Variants in MAST4 observed in about 807,000 individuals in gnomAD.
MAST4 encodes microtubule-associated serine/threonine-protein kinase 4.
In MAST4, 89 loss-of-function variants were observed where a neutral mutation model predicts 162.7. The ratio of observed to expected loss-of-function variants is 0.55; its 90% CI spans 0.46 to 0.65. The LOEUF (loss-of-function observed/expected upper bound fraction) is 0.65, where lower values mean the gene tolerates loss of function less well. Among genes scored for constraint, MAST4 ranks in the 30% least tolerant of loss-of-function variants. MAST4 has a pLI of 0.00. For missense variants in MAST4, 3,153 were observed against 3,374.0 expected (o/e 0.93, Z 1.62); for synonymous variants, 1,479 against 1,361.1 (o/e 1.09, Z -1.91).
chr5:66,999,653 C>G (rs1368720293), intron 4 of MAST4, among the ~76,000 whole-genome samples: 1 of 152,094 alleles, frequency 6.6e-6, no homozygotes, highest in Non-Finnish European at 1.5e-5. Flanking sequence ...CTCAACCCAT[C>G]AGGAAATAGA....
At chr5:66,917,069 A>G (rs1764162578) in intron 4 of MAST4, 1 of 717,272 alleles carries the variant, frequency 1.4e-6, no homozygotes, top group Admixed American at 2.0e-5. Flanking sequence ...AAAGAATAGA[A>G]AATCACCTTC....
chr5:66,725,129 A>T (rs1751431599), intron 1 of MAST4, among the ~76,000 whole-genome samples: 1 of 151,946 alleles, frequency 6.6e-6, no homozygotes, highest in South Asian at 2.1e-4. Flanking sequence ...AATTTTGTTC[A>T]ATTGATATCT....
At chr5:66,779,070 A>G (rs1432322972) in intron 2 of MAST4, among the ~76,000 whole-genome samples, 1 of 152,200 alleles carries the variant, frequency 6.6e-6, no homozygotes, top group Non-Finnish European at 1.5e-5. Context: ...ATAGTTAGCA[A>G]TGTTGTGTTG....
At chr5:66,989,399 T>A (rs1408206424) in intron 4 of MAST4, among the ~76,000 whole-genome samples, 1 of 152,180 alleles carries the variant, frequency 6.6e-6, no homozygotes, top group Non-Finnish European at 1.5e-5. Context: ...TTCAGAGTGG[T>A]TTGACCCAGT....
chr5:66,866,810 C>T (rs1760557800), intron 3 of MAST4, among the ~76,000 whole-genome samples: 1 of 152,156 alleles, frequency 6.6e-6, no homozygotes, highest in Non-Finnish European at 1.5e-5. Context: ...GAGTGCGGTG[C>T]GTGATCACGG....
chr5:66,890,888 TTAAA>T (rs1445763051), intron 3 of MAST4, among the ~76,000 whole-genome samples: 1 of 152,192 alleles, frequency 6.6e-6, no homozygotes, highest in African/African-American at 2.4e-5. Context: ...ATAGTGAAGT[TTAAA>T]TAAGATAATG....
At chr5:66,723,374 G>A (rs1751333151) in intron 1 of MAST4, among the ~76,000 whole-genome samples, 1 of 152,108 alleles carries the variant, frequency 6.6e-6, no homozygotes, top group African/African-American at 2.4e-5. Flanking sequence ...TTTATTAAAT[G>A]TCATGAGAAA....
At chr5:66,655,276 T>C (rs1746474685) in intron 1 of MAST4, among the ~76,000 whole-genome samples, 1 of 152,156 alleles carries the variant, frequency 6.6e-6, no homozygotes, top group Non-Finnish European at 1.5e-5. Flanking sequence ...GGGATTTTCA[T>C]AGATGAATAA....
At chr5:67,144,623 ACT>A (rs1402900508) in intron 21 of MAST4, 44 bp from the exon 22 acceptor site, 6 of 1,591,804 alleles carry the variant, frequency 3.8e-6, no homozygotes, top group Non-Finnish European at 5.1e-6. Flanking sequence ...TTTCTGACAA[ACT>A]CTTTTTAGTA....
chr5:66,914,644 A>G (rs1406964329), intron 4 of MAST4, among the ~76,000 whole-genome samples: 2 of 152,210 alleles, frequency 1.3e-5, no homozygotes, highest in Non-Finnish European at 2.9e-5. Flanking sequence ...AGAGGGTTAC[A>G]TCATGCTTTA....
chr5:66,811,486 C>G (rs1322256336), intron 3 of MAST4, among the ~76,000 whole-genome samples: 1 of 152,214 alleles, frequency 6.6e-6, no homozygotes, highest in East Asian at 1.9e-4. Context: ...CTTGGTCTCT[C>G]TACCCAGCCC....
intron 1 of MAST4, among the ~76,000 whole-genome samples, chr5:66,624,221 C>T (rs539925695): frequency 7.9e-5 from 10 of 127,336 alleles, no homozygotes; most frequent in South Asian, 2.6e-4. Flanking sequence ...GGCATGATCT[C>T]GGCTCACTGC....
chr5:66,964,595 A>C (rs1746448493), intron 4 of MAST4, among the ~76,000 whole-genome samples: 1 of 152,098 alleles, frequency 6.6e-6, no homozygotes, highest in Admixed American at 6.5e-5. Flanking sequence ...AAGTCAGGAG[A>C]TTGAGACCAT....
intron 1 of MAST4, among the ~76,000 whole-genome samples, chr5:66,678,499 ATTT>A (rs35152065): frequency 7.0e-6 from 1 of 143,882 alleles, no homozygotes; most frequent in South Asian, 2.2e-4. Context: ...TATCAACTAC[ATTT>A]TTTTTTTTTT....
chr5:66,739,946 T>G (rs1752391996), intron 1 of MAST4, among the ~76,000 whole-genome samples: 1 of 152,110 alleles, frequency 6.6e-6, no homozygotes, highest in African/African-American at 2.4e-5. Context: ...GTGAATGATT[T>G]TTAGGTTTCT....
chr5:66,979,478 G>C (rs1748523947), intron 4 of MAST4, among the ~76,000 whole-genome samples: 1 of 152,172 alleles, frequency 6.6e-6, no homozygotes, highest in African/African-American at 2.4e-5. Context: ...CTGGTGTTCT[G>C]CTTTGGAGAA....
chr5:66,845,085 TTATATATATATATATATATATATATA>T (rs752796951), intron 3 of MAST4, among the ~76,000 whole-genome samples: 10 of 57,972 alleles, frequency 1.7e-4, no homozygotes, highest in East Asian at 1.1e-3. Context: ...TCACTAATCT[TTATATATATATATATATATATATATA>T]TATATATATA....
rs1457362978 is a variant in MAST4 at position 66,845,289 on chromosome 5, C to T, written c.643-54662C>T. ...ACCCATCCCTCCACCCCACAACAGG[C>T]CCCGGTGTGTGATGTTCCCCGCCCT... On this transcript the variant is annotated intron_variant, in intron 3 of 28. Transcript: ENST00000403625. 2.0e-5 allele frequency among the ~76,000 whole-genome samples: 3 copies of T among 151,424 alleles called. No homozygotes were observed. The East Asian group carries it at 5.8e-4, about 29-fold the overall frequency.
chr5:66,668,096 A>C (rs1468006605), intron 1 of MAST4, among the ~76,000 whole-genome samples: 4 of 152,220 alleles, frequency 2.6e-5, no homozygotes, highest in Admixed American at 6.5e-5. Flanking sequence ...AGTACAATCA[A>C]AGCTGTGCTA....
Sources: gnomAD v4.1 joint callset for allele counts (sites outside exome capture counted in the v4.1 genomes callset) on GRCh38, gnomAD v4.1.1 for gene constraint, MANE v1.5 for transcripts, NCBI Gene and HGNC (gene_info 2026-07-23, HGNC 2026-07-21) for gene names.